Variants in MECOM observed in about 807,000 individuals in gnomAD.
The protein encoded by MECOM is histone-lysine N-methyltransferase MECOM.
Under a neutral mutation model 116.3 loss-of-function variants are expected in MECOM, and 13 were observed. That is an observed-to-expected ratio of 0.11 (90% CI 0.07 to 0.18). The LOEUF is 0.18. MECOM is among the 10% of genes least tolerant of loss of function. The pLI is 1.00. For missense variants in MECOM, 1,299 were observed against 1,509.0 expected, an observed-to-expected ratio of 0.86 and a Z score of 2.31; for synonymous variants, 528 against 535.2, an observed-to-expected ratio of 0.99 and a Z score of 0.19.
intron 1 of MECOM, among the ~76,000 whole-genome samples, chr3:169,457,917 G>C (rs994538733): frequency 6.6e-6 from 1 of 152,156 alleles, no homozygotes. Flanking sequence ...TTCTAAGCAC[G>C]AGGAAAGAAA....
intron 1 of MECOM, among the ~76,000 whole-genome samples, chr3:169,485,984 A>AT (rs1491408507): frequency 0.021 from 2,123 of 101,430 alleles, 49 homozygotes; most frequent in African/African-American, 0.034. Flanking sequence ...ATATATATAT[A>AT]GTATATATAT....
intron 2 of MECOM, among the ~76,000 whole-genome samples, chr3:169,298,975 T>C (rs574635305): frequency 6.8e-4 from 104 of 152,312 alleles, no homozygotes; most frequent in African/African-American, 2.5e-3. Flanking sequence ...GATACCACCA[T>C]GGATATAAGA....
At chr3:169,342,568 C>T (rs1383127095) in intron 2 of MECOM, among the ~76,000 whole-genome samples, 1 of 152,040 alleles carries the variant, frequency 6.6e-6, no homozygotes, top group Non-Finnish European at 1.5e-5. Context: ...ATATATCAAA[C>T]ATTTAAAAAA....
Position 169,434,131 on chromosome 3 carries a change from T to C in MECOM, c.38-52607A>G, listed in dbSNP as rs138164226. Among the ~76,000 whole-genome samples the C allele has an allele frequency of 1.0e-3, 154 of 152,346 alleles. 1 individual carries two copies. The highest frequency in any genetic ancestry group is 3.5e-3 in the African/African-American group (147 of 41,592). ...CACATGTCCTTCAATAATTTTAAAA[T>C]TCAGTTAATTTAAAAATTGTATAAA... On this transcript the variant is annotated intron_variant, in intron 1 of 16. Coordinates refer to ENST00000651503, the MANE Select transcript of MECOM (RefSeq NM_004991.4).
At chr3:169,254,453 T>G (rs1040737916) in intron 2 of MECOM, among the ~76,000 whole-genome samples, 3 of 152,316 alleles carry the variant, frequency 2.0e-5, no homozygotes, top group Admixed American at 2.0e-4. Flanking sequence ...AGCACCTACT[T>G]TGTTACAGGC....
chr3:169,471,400 C>T (rs1238626920), intron 1 of MECOM, among the ~76,000 whole-genome samples: 1 of 151,752 alleles, frequency 6.6e-6, no homozygotes, highest in Non-Finnish European at 1.5e-5. Context: ...TTCTAGACAC[C>T]TATCCTGTGT....
chr3:169,534,841 G>C (rs1759146167), intron 1 of MECOM, among the ~76,000 whole-genome samples: 1 of 152,210 alleles, frequency 6.6e-6, no homozygotes, highest in Non-Finnish European at 1.5e-5. Flanking sequence ...GAGCTGGGAT[G>C]TGAACCCCAA....
intron 1 of MECOM, among the ~76,000 whole-genome samples, chr3:169,489,807 T>C (rs1009567938): frequency 1.3e-5 from 2 of 152,196 alleles, no homozygotes; most frequent in Admixed American, 6.5e-5. Flanking sequence ...AGCTTTATAA[T>C]ATCAGTCAAA....
chr3:169,228,731 A>C (rs991926124), intron 2 of MECOM, among the ~76,000 whole-genome samples: 1 of 152,244 alleles, frequency 6.6e-6, no homozygotes, highest in Non-Finnish European at 1.5e-5. Context: ...ACTTGGTGTG[A>C]GTCTAAAAGT....
intron 2 of MECOM, among the ~76,000 whole-genome samples, chr3:169,276,991 T>G (rs1759661393): frequency 7.1e-6 from 1 of 141,654 alleles, no homozygotes; most frequent in African/African-American, 2.9e-5. Context: ...ATGAGCTAAT[T>G]TATGTTACAC....
intron 2 of MECOM, among the ~76,000 whole-genome samples, chr3:169,270,073 T>C (rs1037763002): frequency 1.3e-5 from 2 of 152,118 alleles, no homozygotes; most frequent in Non-Finnish European, 2.9e-5. Context: ...AATCATTTCA[T>C]TGTGCATATT....
At chr3:169,222,627 G>T (rs1212985571) in intron 2 of MECOM, among the ~76,000 whole-genome samples, 2 of 152,178 alleles carry the variant, frequency 1.3e-5, no homozygotes, top group African/African-American at 2.4e-5. Flanking sequence ...CCCCAAAGCT[G>T]TCAGGCCCTC....
intron 2 of MECOM, among the ~76,000 whole-genome samples, chr3:169,380,577 T>C (rs1348065421): frequency 3.3e-5 from 5 of 152,186 alleles, no homozygotes; most frequent in Non-Finnish European, 7.4e-5. Flanking sequence ...ACAACCATTT[T>C]GTGCGTCTGT....
chr3:169,280,789 C>T (rs1711781574), intron 2 of MECOM, among the ~76,000 whole-genome samples: 1 of 152,070 alleles, frequency 6.6e-6, no homozygotes, highest in African/African-American at 2.4e-5. Flanking sequence ...AGAACTGATG[C>T]CAGTGGGAGA....
At chr3:169,656,018 T>C (rs1194610592) in intron 1 of MECOM, among the ~76,000 whole-genome samples, 1 of 152,218 alleles carries the variant, frequency 6.6e-6, no homozygotes, top group Non-Finnish European at 1.5e-5. Context: ...TCAGGGATCA[T>C]GCCCAGATTC....
intron 2 of MECOM, among the ~76,000 whole-genome samples, chr3:169,328,232 A>G (rs1278657580): frequency 6.6e-6 from 1 of 152,166 alleles, no homozygotes; most frequent in Non-Finnish European, 1.5e-5. Context: ...CCCTCCTTCC[A>G]ATCTTACCAA....
chr3:169,269,753 G>T (rs1247387507), intron 2 of MECOM, among the ~76,000 whole-genome samples: 1 of 152,128 alleles, frequency 6.6e-6, no homozygotes, highest in Non-Finnish European at 1.5e-5. Flanking sequence ...TTCAGCAGGT[G>T]CTTGAATCAT....
chr3:169,636,108 T>C (rs962554246), intron 1 of MECOM, among the ~76,000 whole-genome samples: 1 of 152,226 alleles, frequency 6.6e-6, no homozygotes, highest in Non-Finnish European at 1.5e-5. Flanking sequence ...TAGATACCAA[T>C]GTGAAATAAT....
chr3:169,223,461 G>A (rs1039107204), intron 2 of MECOM, among the ~76,000 whole-genome samples: 1 of 151,474 alleles, frequency 6.6e-6, no homozygotes, highest in Middle Eastern at 3.2e-3. Context: ...CAAAGGACAT[G>A]AACTCATCCT....
Sources: allele counts gnomAD v4.1 joint callset (sites outside exome capture counted in the v4.1 genomes callset), GRCh38; gene constraint gnomAD v4.1.1; transcripts MANE v1.5; gene names NCBI Gene and HGNC (gene_info 2026-07-23, HGNC 2026-07-21).